DCHS2: variants seen among roughly 807,000 people sequenced by gnomAD.
DCHS2 encodes the protein protocadherin-23.
In DCHS2, 142 loss-of-function variants were observed where a neutral mutation model predicts 182.4. The observed-to-expected ratio is 0.78, with a 90% CI of 0.68 to 0.89. The LOEUF is 0.89. Among genes scored for constraint, DCHS2 ranks in the 40% least tolerant of loss-of-function variants. The pLI is 0.00. For synonymous variants in DCHS2, 1,740 were observed against 1,663.3 expected, an observed-to-expected ratio of 1.05 and a Z score of -1.12; for missense variants, 4,319 against 4,198.6, an observed-to-expected ratio of 1.03 and a Z score of -0.79.
chr4:154,366,228 T>C lies in DCHS2; in HGVS notation c.2458A>G (p.Thr820Ala), dbSNP rs751108214. 1 of 1,613,220 alleles carries C rather than the reference T, an allele frequency of 6.2e-7. No homozygotes were observed. The highest frequency in any genetic ancestry group is 2.2e-5 in the East Asian group (1 of 44,838). ...CACATACCTGTGGTGGAGTCAATGGTAAAAAGGGACGACACGTTTCCTGGA... is the reference window on the plus strand; with the variant it reads ...CACATACCTGTGGTGGAGTCAATGGCAAAAAGGGACGACACGTTTCCTGGA... ...LIPGNVSSLF[T>A]IDSTTGIIYL... is the part of the protein sequence containing the mutation. The change falls in exon 3 of 20, where the codon ACC becomes GCC. Residue 820 changes from threonine (T) to alanine (A), a missense_variant. Thr to Ala is a moderately conservative substitution (Grantham distance 58, BLOSUM62 0). Coordinates refer to ENST00000357232, the MANE Select transcript of DCHS2 (RefSeq NM_001358235.2).
intron 3 of DCHS2, among the ~76,000 whole-genome samples, chr4:154,363,084 T>G (rs1423069260): frequency 6.6e-6 from 1 of 152,206 alleles, no homozygotes; most frequent in Non-Finnish European, 1.5e-5. Context: ...CTAATACTGC[T>G]TCTTGTTCTA....
chr4:154,319,447 C>T (rs1735972357), intron 9 of DCHS2, among the ~76,000 whole-genome samples: 1 of 151,150 alleles, frequency 6.6e-6, no homozygotes, highest in African/African-American at 2.4e-5. Context: ...GGGTTAATAT[C>T]CAGAATATAT....
intron 1 of DCHS2, among the ~76,000 whole-genome samples, chr4:154,478,793 C>T (rs1186397355): frequency 4.6e-5 from 7 of 152,128 alleles, no homozygotes; most frequent in Non-Finnish European, 2.9e-5. Flanking sequence ...TTCACAGGTG[C>T]CTGAGAGTCA....
chr4:154,319,357 A>T (rs571051572), intron 9 of DCHS2, among the ~76,000 whole-genome samples: 1 of 152,108 alleles, frequency 6.6e-6, no homozygotes, highest in Non-Finnish European at 1.5e-5. Context: ...ATTACATAAA[A>T]TTAAGAAGCT....
rs1230883409 is a variant in DCHS2 at position 154,334,979 on chromosome 4, G to A, written c.2602C>T (p.Gln868Ter). The change falls in exon 4 of 20, where the codon CAG becomes TAG. Residue 868 changes from glutamine (Q) to a stop codon, truncating the protein, a stop_gained. Coordinates refer to ENST00000357232, the MANE Select transcript of DCHS2 (RefSeq NM_001358235.2). LOFTEE classifies it high-confidence loss of function. ...INADVTIHIF[Q>*]TTLAPAEFER... is the part of the protein sequence containing the mutation. ...AACTCAGCAGGTGCCAGAGTTGTCT[G>A]GAAAATGTGTATGGTGACATCGGCA... The A allele has an allele frequency of 6.2e-7, 1 of 1,614,154 alleles. No individual in the cohort carries two copies. Among genetic ancestry groups the A allele is most frequent in the Non-Finnish European group, 8.5e-7 (1 of 1,180,014 alleles).
At chr4:154,365,662 CT>C (rs1561069506) in intron 3 of DCHS2, among the ~76,000 whole-genome samples, 1 of 148,404 alleles carries the variant, frequency 6.7e-6, no homozygotes, top group Non-Finnish European at 1.5e-5. Context: ...TTTTTTTTTT[CT>C]TTTTTTTAGA....
chr4:154,372,224 GA>G (rs1261925440), intron 2 of DCHS2, among the ~76,000 whole-genome samples: 3 of 152,142 alleles, frequency 2.0e-5, no homozygotes, highest in African/African-American at 4.8e-5. Flanking sequence ...CTCATTCCTA[GA>G]ACAGGTGGAG....
At chr4:154,426,478 C>T (rs1381499989) in intron 1 of DCHS2, among the ~76,000 whole-genome samples, 1 of 152,062 alleles carries the variant, frequency 6.6e-6, no homozygotes, top group Non-Finnish European at 1.5e-5. Context: ...CTACACAGGT[C>T]TCCGCATAAG....
Position 154,236,249 on chromosome 4 carries a change from A to T in DCHS2, c.8403T>A (p.Tyr2801Ter). The change falls in exon 20 of 20, where the codon TAT becomes TAA. Residue 2801 changes from tyrosine to a stop codon, truncating the protein, a stop_gained. Coordinates refer to ENST00000357232, the MANE Select transcript of DCHS2 (RefSeq NM_001358235.2). LOFTEE classifies it low-confidence loss of function (END_TRUNC). ...INALDFDAGPYGELTYSIVSP... is the reference protein window; with the variant it reads ...INALDFDAGP ...ATACAATAGAATAGGTCAATTCTCC[A>T]TACGGACCAGCATCAAAATCCAGAG... The T allele has an allele frequency of 6.2e-7, 1 of 1,614,086 alleles. No individual in the cohort carries two copies. The highest frequency in any genetic ancestry group is 1.1e-5 in the South Asian group (1 of 91,084).
chr4:154,272,267 T>A (rs555067340), intron 13 of DCHS2: 1 of 37,110 alleles, frequency 2.7e-5, no homozygotes, highest in Admixed American at 1.6e-4. Context: ...TTTTCACTGA[T>A]CAAGGCCTAA....
chr4:154,418,026 C>A (rs1263896975), intron 1 of DCHS2, among the ~76,000 whole-genome samples: 2 of 152,076 alleles, frequency 1.3e-5, no homozygotes, highest in Non-Finnish European at 2.9e-5. Context: ...AATGACCTAC[C>A]CATTCTTAGT....
At chr4:154,445,167 C>T (rs1397203354) in intron 1 of DCHS2, among the ~76,000 whole-genome samples, 1 of 152,192 alleles carries the variant, frequency 6.6e-6, no homozygotes, top group African/African-American at 2.4e-5. Context: ...TTCTCTCCCA[C>T]TAGACTGGCT....
chr4:154,346,097 C>T (rs1729347303), intron 3 of DCHS2, among the ~76,000 whole-genome samples: 1 of 152,176 alleles, frequency 6.6e-6, no homozygotes, highest in Non-Finnish European at 1.5e-5. Flanking sequence ...TGGAGCGCCA[C>T]CATTATGACT....
At chr4:154,305,823 C>T (rs1329753142) in intron 10 of DCHS2, among the ~76,000 whole-genome samples, 1 of 152,010 alleles carries the variant, frequency 6.6e-6, no homozygotes. Flanking sequence ...TCATTTCTCC[C>T]CTGAGAAAAG....
At chr4:154,238,977 T>C (rs1476251504) in intron 19 of DCHS2, among the ~76,000 whole-genome samples, 193 bp downstream of exon 19, 1 of 152,104 alleles carries the variant, frequency 6.6e-6, no homozygotes. Context: ...CACTGAGATG[T>C]TGGAGAAGAG....
At position 154,314,310 on chromosome 4, in the gene DCHS2, A is replaced by G. The variant is rs146426717; in HGVS notation, c.5260+1438T>C. ...AAGAGAACTTTACTGAGCTAAAATT[A>G]TTGTGAAACACAAAGCTTATGTATA... On this transcript the variant is annotated intron_variant, in intron 10 of 19. Coordinates refer to ENST00000357232, the MANE Select transcript of DCHS2 (RefSeq NM_001358235.2). 4.0e-3 allele frequency among the ~76,000 whole-genome samples: 609 copies of G among 152,276 alleles called. 5 individuals carry two copies. The highest frequency in any genetic ancestry group is 0.011 in the South Asian group (52 of 4,826).
intron 10 of DCHS2, among the ~76,000 whole-genome samples, chr4:154,312,174 T>C (rs1226685879): frequency 6.6e-6 from 1 of 152,184 alleles, no homozygotes; most frequent in Non-Finnish European, 1.5e-5. Context: ...AATTCAACTT[T>C]TGAAATGCTC....
intron 2 of DCHS2, among the ~76,000 whole-genome samples, chr4:154,376,171 G>T (rs890314867): frequency 6.6e-6 from 1 of 152,044 alleles, no homozygotes; most frequent in South Asian, 2.1e-4. Flanking sequence ...TTATGGGTCT[G>T]TTGATTTTGC....
chr4:154,341,239 G>A (rs1279487732), intron 3 of DCHS2, among the ~76,000 whole-genome samples: 3 of 151,946 alleles, frequency 2.0e-5, no homozygotes, highest in Non-Finnish European at 2.9e-5. Flanking sequence ...CGTGGTGGCG[G>A]GCGCCTGCAG....
Sources: allele counts gnomAD v4.1 joint callset (sites outside exome capture counted in the v4.1 genomes callset), GRCh38; gene constraint gnomAD v4.1.1; transcripts MANE v1.5; gene names NCBI Gene and HGNC (gene_info 2026-07-23, HGNC 2026-07-21).